The following KIRREL3 variants were observed in gnomAD, a reference collection of about 807,000 sequenced individuals.
KIRREL3 encodes the protein kirre like nephrin family adhesion molecule 3.
A neutral mutation model predicts 89.7 loss-of-function variants in KIRREL3; 36 were observed. That is an observed-to-expected ratio of 0.40 (90% confidence interval 0.31 to 0.53). The LOEUF is 0.53. Among genes scored for constraint, KIRREL3 ranks in the 20% least tolerant of loss-of-function variants. The probability of loss-of-function intolerance (pLI) is 0.49; values close to 1 mark genes in which losing one functional copy is unlikely to be tolerated. For missense variants in KIRREL3, 864 were observed against 1,056.6 expected (o/e 0.82, Z 2.53); for synonymous variants, 445 against 441.4 (o/e 1.01, Z -0.10).
rs1288864292 is a variant in KIRREL3, at chr11:126,484,619, A to G, written c.434-11153T>C. ...TAAATGTAAATTTCAGATAAATTAA[A>G]AAATGGTAGTGTAAGTATGTTTATC... On this transcript the variant is annotated intron_variant, in intron 4 of 16. Coordinates refer to ENST00000525144, the MANE Select transcript of KIRREL3 (RefSeq NM_032531.4). This position sits in a 1 kb window ranked among gnomAD's most constrained non-coding sequence, Gnocchi z 5.2. Among the ~76,000 whole-genome samples, 1 of 152,214 alleles carries G rather than the reference A, an allele frequency of 6.6e-6. No homozygotes were observed. The highest frequency in any genetic ancestry group is 1.5e-5 in the Non-Finnish European group (1 of 68,032).
rs1436802640 is a variant in KIRREL3 at position 126,802,758 on chromosome 11, A to G, written c.55+197697T>C. Among the ~76,000 whole-genome samples, 1 of 152,200 alleles carries G rather than the reference A, an allele frequency of 6.6e-6. No individual in the cohort carries two copies. Among genetic ancestry groups the G allele is most frequent in the East Asian group, 1.9e-4 (1 of 5,190 alleles). On this transcript the variant is annotated intron_variant, in intron 1 of 16. Coordinates refer to ENST00000525144, the MANE Select transcript of KIRREL3 (RefSeq NM_032531.4). The surrounding 1 kb of genome is among the most constrained non-coding windows in gnomAD (Gnocchi z 5.2). ...CAATCTTTCTTAAATGTATGTATAG[A>G]TCTTTTTCAAAATGCTTAACATTAC...
chr11:126,756,071 A>G (rs1949490479), intron 1 of KIRREL3, among the ~76,000 whole-genome samples: 1 of 152,162 alleles, frequency 6.6e-6, no homozygotes, highest in Non-Finnish European at 1.5e-5. Context: ...ATATTGGAAG[A>G]TTTCTGTTTT....
intron 1 of KIRREL3, among the ~76,000 whole-genome samples, chr11:126,789,515 C>T (rs1194547041): frequency 6.6e-6 from 1 of 152,104 alleles, no homozygotes; most frequent in Admixed American, 6.5e-5. Flanking sequence ...ACATTGCTTC[C>T]ACTTCACCTT....
Position 126,516,647 on chromosome 11 carries a change from T to C in KIRREL3, c.433+4668A>G, listed in dbSNP as rs1958418191. Among the ~76,000 whole-genome samples, 1 of 152,208 alleles carries C rather than the reference T, an allele frequency of 6.6e-6. No homozygotes were observed. Among genetic ancestry groups the C allele is most frequent in the Admixed American group, 6.5e-5 (1 of 15,290 alleles). ...GGTACCATTTCCTCCCTGCCCTGGA[T>C]GTCCCAACACCTTGCTTCCCAAGTT... is the stretch of plus-strand genomic sequence containing the variant. On this transcript the variant is annotated intron_variant, in intron 4 of 16. Transcript: ENST00000525144. The surrounding 1 kb of genome is among the most constrained non-coding windows in gnomAD (Gnocchi z 4.9).
At position 126,746,217 on chromosome 11, in the gene KIRREL3, C is replaced by T. The variant is rs190003343; in HGVS notation, c.56-183305G>A. The stretch of plus-strand genomic sequence containing the variant: ...AAAGAAATTTCTATGTGCCAGACAC[C>T]GTCCTGGGCATTTGGGGATATGAAC... On this transcript the variant is annotated intron_variant, in intron 1 of 16. Transcript: ENST00000525144. Among the ~76,000 whole-genome samples, 6 of 152,264 alleles carry T rather than the reference C, an allele frequency of 3.9e-5. No individual in the cohort carries two copies. The East Asian group carries it at 5.8e-4, about 15-fold the overall frequency.
chr11:126,562,878 C>A lies in KIRREL3; in HGVS notation c.90G>T (p.Val30=). The A allele has an allele frequency of 6.2e-7, 1 of 1,613,842 alleles. No individual in the cohort carries two copies. The highest frequency in any genetic ancestry group is 8.5e-7 in the Non-Finnish European group (1 of 1,179,800). The change falls in exon 2 of 17, where the codon GTG becomes GTT. Residue 30 remains valine (V), a synonymous_variant. Coordinates refer to ENST00000525144, the MANE Select transcript of KIRREL3 (RefSeq NM_032531.4). This position sits in a 1 kb window ranked among gnomAD's most constrained non-coding sequence, Gnocchi z 4.7. ...ACTTGTCCTTGGCCATGTAGCCCAG[C>A]ACCAGACAGCATCCTCTCTTCTGGA... ...LGLQKRGCCL[V]LGYMAKDKFR...
At chr11:126,517,502 G>C (rs1230281796) in intron 4 of KIRREL3, among the ~76,000 whole-genome samples, 2 of 152,268 alleles carry the variant, frequency 1.3e-5, no homozygotes, top group African/African-American at 2.4e-5. Flanking sequence ...GGGGTGGTTG[G>C]GGGGGATCCT....
rs1949963211 is a variant in KIRREL3 at position 126,989,519 on chromosome 11, C to G, written c.55+10936G>C. On this transcript the variant is annotated intron_variant, in intron 1 of 16. Coordinates refer to ENST00000525144, the MANE Select transcript of KIRREL3 (RefSeq NM_032531.4). The surrounding 1 kb of genome is among the most constrained non-coding windows in gnomAD (Gnocchi z 6.2). Reference sequence around the variant, plus strand: ...CCGCCAGCTCTACCAACCACTCAGGCTGCAGACCAGACAAGGGAGTGGATT... The same window carrying G: ...CCGCCAGCTCTACCAACCACTCAGGGTGCAGACCAGACAAGGGAGTGGATT... 6.6e-6 allele frequency among the ~76,000 whole-genome samples: 1 copy of G among 152,214 alleles called. No homozygotes were observed. The highest frequency in any genetic ancestry group is 2.1e-4 in the South Asian group (1 of 4,832).
At chr11:126,504,203 A>T (rs1431109887) in intron 4 of KIRREL3, among the ~76,000 whole-genome samples, 1 of 152,096 alleles carries the variant, frequency 6.6e-6, no homozygotes. Flanking sequence ...GTAACTGTCC[A>T]CTATCTCTGC....
chr11:126,639,100 A>G lies in KIRREL3; in HGVS notation c.56-76188T>C, dbSNP rs1329555565. Among the ~76,000 whole-genome samples, 1 of 152,050 alleles carries G rather than the reference A, an allele frequency of 6.6e-6. No homozygotes were observed. Among genetic ancestry groups the G allele is most frequent in the Non-Finnish European group, 1.5e-5 (1 of 68,008 alleles). Reference sequence around the variant, plus strand: ...CATTGCCAAAGTTTCCAGTTTCTTCATGACTTGGCCAGCCCCCCAATCATC... The same window carrying G: ...CATTGCCAAAGTTTCCAGTTTCTTCGTGACTTGGCCAGCCCCCCAATCATC... On this transcript the variant is annotated intron_variant, in intron 1 of 16. Coordinates refer to ENST00000525144, the MANE Select transcript of KIRREL3 (RefSeq NM_032531.4). The surrounding 1 kb of genome is among the most constrained non-coding windows in gnomAD (Gnocchi z 4.3).
In KIRREL3 at chr11:126,578,537, T is replaced by A. The variant is rs1306568509; in HGVS notation, c.56-15625A>T. Among the ~76,000 whole-genome samples, 1 of 152,098 alleles carries A rather than the reference T, an allele frequency of 6.6e-6. No homozygotes were observed. The highest frequency in any genetic ancestry group is 2.4e-5 in the African/African-American group (1 of 41,410). On this transcript the variant is annotated intron_variant, in intron 1 of 16. Coordinates refer to ENST00000525144, the MANE Select transcript of KIRREL3 (RefSeq NM_032531.4). This position sits in a 1 kb window ranked among gnomAD's most constrained non-coding sequence, Gnocchi z 4.9. ...GAACTTGGGGTGTGGCGTGTCCCTG[T>A]GGGTGGACACATTGTGAACAGTAAG...
rs764030584 is a variant in KIRREL3 at position 126,769,984 on chromosome 11, C to A, written c.56-207072G>T. Among the ~76,000 whole-genome samples the A allele has an allele frequency of 3.3e-5, 5 of 152,120 alleles. No individual in the cohort carries two copies. Among genetic ancestry groups the A allele is most frequent in the Non-Finnish European group, 7.3e-5 (5 of 68,028 alleles). On this transcript the variant is annotated intron_variant, in intron 1 of 16. Coordinates refer to ENST00000525144, the MANE Select transcript of KIRREL3 (RefSeq NM_032531.4). The surrounding 1 kb of genome is among the most constrained non-coding windows in gnomAD (Gnocchi z 4.3). ...TTGATTATAGTTGTTTTTCCCAGAT[C>A]CCTGTATGGGCGGATGTGCAGATCC...
Position 126,562,932 on chromosome 11 carries a change from G to A in KIRREL3, c.56-20C>T. On this transcript the variant is annotated intron_variant, in intron 1 of 16. Coordinates refer to ENST00000525144, the MANE Select transcript of KIRREL3 (RefSeq NM_032531.4). This position sits in a 1 kb window ranked among gnomAD's most constrained non-coding sequence, Gnocchi z 4.7. ...CCAGCTCTGGAAGAGAAGCATAGGT[G>A]GGTGAGTTGGGAATGGGAACAGGTC... 6.2e-7 allele frequency: 1 copy of A among 1,604,518 alleles called. No individual in the cohort carries two copies. The highest frequency in any genetic ancestry group is 1.1e-5 in the South Asian group (1 of 90,600).
Position 126,802,136 on chromosome 11 carries a change from G to T in KIRREL3, c.55+198319C>A, listed in dbSNP as rs374371528. On this transcript the variant is annotated intron_variant, in intron 1 of 16. Transcript: ENST00000525144. This position sits in a 1 kb window ranked among gnomAD's most constrained non-coding sequence, Gnocchi z 5.2. ...AGACATTCAGAAATTCAGTTTTAATGTCACAGGTTATGACTGTCGTTTACC... is the reference window on the plus strand; with the variant it reads ...AGACATTCAGAAATTCAGTTTTAATTTCACAGGTTATGACTGTCGTTTACC... Among the ~76,000 whole-genome samples the T allele has an allele frequency of 1.3e-5, 2 of 152,128 alleles. No individual in the cohort carries two copies. Among genetic ancestry groups the T allele is most frequent in the Non-Finnish European group, 2.9e-5 (2 of 68,030 alleles).
At chr11:126,554,509 A>G (rs1169138307) in intron 2 of KIRREL3, among the ~76,000 whole-genome samples, 2 of 152,108 alleles carry the variant, frequency 1.3e-5, no homozygotes, top group Admixed American at 1.3e-4. Context: ...TCTCCAGGTG[A>G]CTGCCAATGT....
At position 126,999,748 on chromosome 11, in the gene KIRREL3, C is replaced by T. The variant is rs561130744; in HGVS notation, c.55+707G>A. Among the ~76,000 whole-genome samples, 199 of 152,316 alleles carry T rather than the reference C, an allele frequency of 1.3e-3. 1 individual carries two copies. Among genetic ancestry groups the T allele is most frequent in the African/African-American group, 4.7e-3 (197 of 41,564 alleles). ...GAGCCTAGAGGTGGCAAAGTTCTTT[C>T]CGGAGAGTCCACCTGCTTCTCTGCC... On this transcript the variant is annotated intron_variant, in intron 1 of 16. Transcript: ENST00000525144. This position sits in a 1 kb window ranked among gnomAD's most constrained non-coding sequence, Gnocchi z 5.7.
rs1404862677 is a variant in KIRREL3 at position 126,530,624 on chromosome 11, C to T, written c.134-3937G>A. Among the ~76,000 whole-genome samples, 10 of 152,154 alleles carry T rather than the reference C, an allele frequency of 6.6e-5. No homozygotes were observed. Among genetic ancestry groups the T allele is most frequent in the Admixed American group, 6.5e-4 (10 of 15,278 alleles). ...CTCCAGGAGCTCGCAGCTGTGCCCCCTCCCCATCACACCTGGGCGTCTCAG... is the reference window on the plus strand; with the variant it reads ...CTCCAGGAGCTCGCAGCTGTGCCCCTTCCCCATCACACCTGGGCGTCTCAG... On this transcript the variant is annotated intron_variant, in intron 2 of 16. Coordinates refer to ENST00000525144, the MANE Select transcript of KIRREL3 (RefSeq NM_032531.4). The surrounding 1 kb of genome is among the most constrained non-coding windows in gnomAD (Gnocchi z 5.8).
chr11:126,868,662 T>C (rs1945004126), intron 1 of KIRREL3, among the ~76,000 whole-genome samples: 1 of 152,120 alleles, frequency 6.6e-6, no homozygotes, highest in African/African-American at 2.4e-5. Context: ...GGGCCGATCA[T>C]TATTTGTTAT....
At chr11:127,002,460 G>C (rs1950331778), upstream of KIRREL3, among the ~76,000 whole-genome samples, 1 of 152,136 alleles carries the variant, frequency 6.6e-6, no homozygotes, top group Middle Eastern at 3.2e-3. Flanking sequence ...CCATTAGCCT[G>C]GTGTAACAGA....
Sources: gnomAD v4.1 joint callset for allele counts (sites outside exome capture counted in the v4.1 genomes callset) on GRCh38, gnomAD v4.1.1 for gene constraint, Gnocchi (gnomAD v3.1) non-coding constraint, MANE v1.5 for transcripts, NCBI Gene and HGNC (gene_info 2026-07-23, HGNC 2026-07-21) for gene names.